GRID2: variants seen among roughly 807,000 people sequenced by gnomAD.
GRID2 encodes the protein glutamate receptor ionotropic, delta-2.
GRID2 carries 33 observed loss-of-function variants against 114.8 expected under a neutral mutation model. The observed-to-expected ratio is 0.29, with a 90% confidence interval of 0.22 to 0.38. GRID2 has a LOEUF of 0.38. Among genes scored for constraint, GRID2 ranks in the 10% least tolerant of loss-of-function variants. GRID2 has a pLI of 1.00. For missense variants in GRID2, 1,184 were observed against 1,257.7 expected (o/e 0.94, Z 0.89); for synonymous variants, 505 against 449.9 (o/e 1.12, Z -1.55).
chr4:93,787,819 G>A (rs1734622718), intron 1 of GRID2, among the ~76,000 whole-genome samples: 1 of 152,118 alleles, frequency 6.6e-6, no homozygotes, highest in Non-Finnish European at 1.5e-5. Flanking sequence ...ATACATTCAT[G>A]TATTTACTAA....
intron 1 of GRID2, among the ~76,000 whole-genome samples, chr4:92,522,561 T>C (rs1253910998): frequency 6.6e-6 from 1 of 152,040 alleles, no homozygotes; most frequent in Admixed American, 6.6e-5. Context: ...ATGAAGCTAT[T>C]GACTTAATCA....
intron 2 of GRID2, among the ~76,000 whole-genome samples, chr4:92,879,321 A>G (rs1335196090): frequency 1.3e-5 from 2 of 152,178 alleles, no homozygotes; most frequent in Non-Finnish European, 2.9e-5. Context: ...CACCAATAAA[A>G]TGACACCCAA....
At chr4:93,262,292 A>G (rs997367583) in intron 8 of GRID2, among the ~76,000 whole-genome samples, 6 of 151,910 alleles carry the variant, frequency 3.9e-5, no homozygotes, top group African/African-American at 1.4e-4. Context: ...AGTGCCTCAC[A>G]TAGGACTTCA....
In GRID2 at chr4:92,653,737, C is replaced by G. The variant is rs188142987; in HGVS notation, c.244+63451C>G. Among the ~76,000 whole-genome samples, 18 of 152,194 alleles carry G rather than the reference C, an allele frequency of 1.2e-4. No homozygotes were observed. In the East Asian group the frequency reaches 2.5e-3, roughly 21 times the overall value. ...GATTTGGGTGGGAACAACATCTTCA[C>G]TATTTCAGACAAGTCACTAGGGGCA... On this transcript the variant is annotated intron_variant, in intron 2 of 15. Coordinates refer to ENST00000282020, the MANE Select transcript of GRID2 (RefSeq NM_001510.4).
At position 93,554,225 on chromosome 4, in the gene GRID2, A is replaced by T. The variant is rs147223235; in HGVS notation, c.2193+38814A>T. Among the ~76,000 whole-genome samples the T allele has an allele frequency of 5.4e-3, 816 of 152,230 alleles. 7 individuals are homozygous for T. Among genetic ancestry groups the T allele is most frequent in the African/African-American group, 0.019 (775 of 41,540 alleles). The stretch of plus-strand genomic sequence containing the variant: ...CCAATTACTTTTTCTTTTCATCATG[A>T]CATCATCTGCCATAAACTGAGCCTC... On this transcript the variant is annotated intron_variant, in intron 13 of 15. Transcript: ENST00000282020.
At chr4:92,461,349 G>A (rs1721488282) in intron 1 of GRID2, among the ~76,000 whole-genome samples, 1 of 151,826 alleles carries the variant, frequency 6.6e-6, no homozygotes, top group Admixed American at 6.6e-5. Flanking sequence ...TTCTTATAAT[G>A]TTGAGAAAAA....
At chr4:93,123,513 G>C (rs1158779401) in intron 4 of GRID2, among the ~76,000 whole-genome samples, 1 of 152,150 alleles carries the variant, frequency 6.6e-6, no homozygotes, top group African/African-American at 2.4e-5. Context: ...GGGAAGAGCT[G>C]TAAGAATACA....
intron 2 of GRID2, among the ~76,000 whole-genome samples, chr4:92,772,682 T>C (rs1738599028): frequency 6.6e-6 from 1 of 152,162 alleles, no homozygotes; most frequent in Admixed American, 6.5e-5. Context: ...GTTCTCTTCA[T>C]ATTACTATGT....
At chr4:92,674,917 C>T (rs1184793924) in intron 2 of GRID2, among the ~76,000 whole-genome samples, 3 of 152,006 alleles carry the variant, frequency 2.0e-5, no homozygotes, top group Non-Finnish European at 2.9e-5. Context: ...ACCTCTGGTC[C>T]CCTCTGTATC....
chr4:92,674,504 T>TA (rs1733236424), intron 2 of GRID2, among the ~76,000 whole-genome samples: 1 of 152,132 alleles, frequency 6.6e-6, no homozygotes, highest in Non-Finnish European at 1.5e-5. Flanking sequence ...TTCATCTCTT[T>TA]ACCCATTTGT....
chr4:93,455,846 T>G lies in GRID2; in HGVS notation c.1730T>G (p.Val577Gly), dbSNP rs765910190. The G allele has an allele frequency of 6.2e-7, 1 of 1,612,800 alleles. No individual in the cohort carries two copies. Among genetic ancestry groups the G allele is most frequent in the Non-Finnish European group, 8.5e-7 (1 of 1,178,810 alleles). ...LSLWACIAGTVLLVGLLVYLL... is the reference protein window; with the variant it reads ...LSLWACIAGTGLLVGLLVYLL... ...CTATGGGCTTGCATTGCTGGCACAG[T>G]CCTTCTGGTGGGTCTACTGGTCTAC... is the stretch of plus-strand genomic sequence containing the variant. Residue 577 changes from valine to glycine, a missense_variant, in exon 11 of 16, where the codon GTC becomes GGC. By Grantham distance (109) the Val-to-Gly change is moderately radical. Around this residue, in one of 3 missense-constraint regions of GRID2, gnomAD observed 717 missense variants for 796.9 expected, o/e 0.90. Coordinates refer to ENST00000282020, the MANE Select transcript of GRID2 (RefSeq NM_001510.4).
At chr4:93,207,714 C>T (rs1287308959) in intron 5 of GRID2, among the ~76,000 whole-genome samples, 1 of 151,922 alleles carries the variant, frequency 6.6e-6, no homozygotes. Flanking sequence ...ATTCTGCCTG[C>T]TCAAGGAGAT....
chr4:92,774,596 T>C (rs1484740753), intron 2 of GRID2, among the ~76,000 whole-genome samples: 1 of 146,046 alleles, frequency 6.8e-6, no homozygotes, highest in Admixed American at 6.8e-5. Flanking sequence ...TTTTTTTTTT[T>C]TTTTGAGACA....
chr4:92,946,794 G>T (rs1014637526), intron 2 of GRID2, among the ~76,000 whole-genome samples: 7 of 152,020 alleles, frequency 4.6e-5, no homozygotes, highest in Admixed American at 2.0e-4. Flanking sequence ...TAAAGCACTG[G>T]TTTTTAGGTC....
intron 2 of GRID2, among the ~76,000 whole-genome samples, chr4:92,806,985 G>A (rs1740447186): frequency 6.6e-6 from 1 of 151,876 alleles, no homozygotes; most frequent in South Asian, 2.1e-4. Flanking sequence ...ATAGAATAGG[G>A]AATTTAAAAG....
chr4:92,944,009 C>T (rs989262979), intron 2 of GRID2, among the ~76,000 whole-genome samples: 1 of 152,118 alleles, frequency 6.6e-6, no homozygotes, highest in Non-Finnish European at 1.5e-5. Context: ...GGGGTGCCTC[C>T]CAGTTAGGCT....
intron 2 of GRID2, among the ~76,000 whole-genome samples, chr4:92,865,109 G>A (rs547397933): frequency 7.2e-4 from 109 of 152,276 alleles, no homozygotes; most frequent in Non-Finnish European, 1.3e-3. Flanking sequence ...AGTGAGGTTT[G>A]AGGTTCCCTG....
intron 2 of GRID2, among the ~76,000 whole-genome samples, chr4:92,670,886 A>G (rs1733026808): frequency 6.6e-6 from 1 of 152,118 alleles, no homozygotes; most frequent in Non-Finnish European, 1.5e-5. Flanking sequence ...TGTCCTGTCA[A>G]TTACTGTACT....
At chr4:93,437,023 T>A (rs10012463) in intron 10 of GRID2, among the ~76,000 whole-genome samples, 1 of 151,824 alleles carries the variant, frequency 6.6e-6, no homozygotes, top group Non-Finnish European at 1.5e-5. Flanking sequence ...CATAATAAAG[T>A]AGAACATCAC....
Sources: gnomAD v4.1 joint callset for allele counts (sites outside exome capture counted in the v4.1 genomes callset) on GRCh38, gnomAD v4.1.1 for gene constraint, gnomAD v4.1.1 regional missense constraint, MANE v1.5 for transcripts, NCBI Gene and HGNC (gene_info 2026-07-23, HGNC 2026-07-21) for gene names.